The following DENND1B variants were observed in gnomAD, a reference collection of about 807,000 sequenced individuals.
DENND1B encodes the protein DENN domain containing 1B.
A neutral mutation model predicts 90.1 loss-of-function variants in DENND1B; 59 were observed. That is an observed-to-expected ratio of 0.65 (90% CI 0.53 to 0.81). DENND1B has a LOEUF of 0.81. DENND1B is among the 40% of genes least tolerant of loss of function. DENND1B has a pLI of 0.00. For missense variants in DENND1B, 862 were observed against 912.6 expected (o/e 0.94, Z 0.71); for synonymous variants, 337 against 324.6 (o/e 1.04, Z -0.41).
intron 15 of DENND1B, among the ~76,000 whole-genome samples, chr1:197,558,842 A>AT (rs1671925108): frequency 6.6e-6 from 1 of 151,974 alleles, no homozygotes; most frequent in African/African-American, 2.4e-5. Flanking sequence ...TGCTTTAAAT[A>AT]TACTTCAGTA....
chr1:197,617,638 G>A, intron 11 of DENND1B, 21 bp downstream of exon 11: 1 of 1,570,290 alleles, frequency 6.4e-7, no homozygotes, highest in Non-Finnish European at 8.8e-7. Flanking sequence ...ACTTAAAGGA[G>A]TCTGGCAAAA....
At chr1:197,552,777 T>A in intron 16 of DENND1B, 1 of 1,277,362 alleles carries the variant, frequency 7.8e-7, no homozygotes. Flanking sequence ...TTTCCAGCAA[T>A]ATTAAGAGAT....
At chr1:197,562,272 T>A (rs1672235311) in intron 15 of DENND1B, among the ~76,000 whole-genome samples, 1 of 151,918 alleles carries the variant, frequency 6.6e-6, no homozygotes, top group East Asian at 1.9e-4. Flanking sequence ...TACAGGCATA[T>A]CTCATTTAAT....
chr1:197,611,215 C>T (rs1677154973), intron 12 of DENND1B, among the ~76,000 whole-genome samples: 1 of 150,730 alleles, frequency 6.6e-6, no homozygotes, highest in Non-Finnish European at 1.5e-5. Flanking sequence ...ATAATGACAC[C>T]ACTCAATTGA....
At chr1:197,671,933 T>C in intron 5 of DENND1B, 104 bp downstream of exon 5, 4 of 1,185,718 alleles carry the variant, frequency 3.4e-6, no homozygotes, top group Non-Finnish European at 4.5e-6. Context: ...TTTTTCAACT[T>C]GTTTTTAAAG....
chr1:197,714,984 C>T (rs758599684), intron 3 of DENND1B, 47 bp downstream of exon 3: 1 of 1,411,788 alleles, frequency 7.1e-7, no homozygotes, highest in East Asian at 2.3e-5. Context: ...TAGCAACAAT[C>T]ATAATACTTC....
At chr1:197,704,570 A>T (rs1045558492) in intron 3 of DENND1B, among the ~76,000 whole-genome samples, 2 of 152,150 alleles carry the variant, frequency 1.3e-5, no homozygotes, top group Non-Finnish European at 2.9e-5. Flanking sequence ...AAAAGAAAAA[A>T]TATATAATCA....
At chr1:197,722,588 T>C (rs767358155) in intron 2 of DENND1B, among the ~76,000 whole-genome samples, 4 of 152,154 alleles carry the variant, frequency 2.6e-5, no homozygotes, top group Admixed American at 6.5e-5. Context: ...TGAACAATAC[T>C]TGGAAATTTG....
At chr1:197,624,365 A>G (rs1030108992) in intron 10 of DENND1B, among the ~76,000 whole-genome samples, 5 of 151,746 alleles carry the variant, frequency 3.3e-5, no homozygotes, top group African/African-American at 1.2e-4. Flanking sequence ...GTGGACATCC[A>G]CATGCCAAAA....
Position 197,697,773 on chromosome 1 carries a change from T to C in DENND1B, c.126+17258A>G, listed in dbSNP as rs570637207. Among the ~76,000 whole-genome samples, 74 of 152,080 alleles carry C rather than the reference T, an allele frequency of 4.9e-4. 1 individual carries two copies. The highest frequency in any genetic ancestry group is 3.9e-3 in the South Asian group (19 of 4,822). ...AAAAAAGCAGGGATTGTAGTCCTAG[T>C]CTCTGACAAAATAGACTTTAAACCA... On this transcript the variant is annotated intron_variant, in intron 3 of 22. Coordinates refer to ENST00000620048, the MANE Select transcript of DENND1B (RefSeq NM_001195215.2).
intron 15 of DENND1B, among the ~76,000 whole-genome samples, chr1:197,562,314 C>G (rs1672238694): frequency 6.6e-6 from 1 of 151,908 alleles, no homozygotes; most frequent in Non-Finnish European, 1.5e-5. Flanking sequence ...TCAAAGACAG[C>G]TTTTACAAAT....
intron 2 of DENND1B, among the ~76,000 whole-genome samples, chr1:197,742,635 A>G (rs77043517): frequency 0.011 from 1,678 of 152,232 alleles, 33 homozygotes; most frequent in African/African-American, 0.038. Flanking sequence ...GGTCTCTGGG[A>G]AAAAAAGCAC....
At chr1:197,541,310 A>T (rs1670319677) in intron 18 of DENND1B, among the ~76,000 whole-genome samples, 1 of 152,178 alleles carries the variant, frequency 6.6e-6, no homozygotes, top group Non-Finnish European at 1.5e-5. Flanking sequence ...AATAAACCAG[A>T]TTACAATGTT....
chr1:197,584,984 T>C (rs1571972938), intron 14 of DENND1B, among the ~76,000 whole-genome samples: 1 of 152,184 alleles, frequency 6.6e-6, no homozygotes, highest in Non-Finnish European at 1.5e-5. Context: ...TTATTGCCAA[T>C]GGTAAAGAGC....
chr1:197,520,045 C>A (rs1668664421), intron 20 of DENND1B, among the ~76,000 whole-genome samples: 1 of 151,804 alleles, frequency 6.6e-6, no homozygotes, highest in East Asian at 1.9e-4. Flanking sequence ...ATGGGATAGC[C>A]TCTGGACTTA....
chr1:197,548,942 T>G lies in DENND1B; in HGVS notation c.1241-2169A>C, dbSNP rs78235734. ...TTTTAAAAGTTTTAAGGGCTAATTG[T>G]GCCTTTAAATTTTACTGCTTTTATG... On this transcript the variant is annotated intron_variant, in intron 16 of 22. Transcript: ENST00000620048. Among the ~76,000 whole-genome samples the G allele has an allele frequency of 5.9e-3, 896 of 152,292 alleles. 13 individuals are homozygous for G. Among genetic ancestry groups the G allele is most frequent in the African/African-American group, 0.02 (838 of 41,584 alleles).
At chr1:197,780,699 T>TA in the DENND1B span, among the ~76,000 whole-genome samples, 25 of 152,188 alleles carry the variant, frequency 1.6e-4, no homozygotes, top group African/African-American at 5.3e-4. Context: ...TGCAAGCTTT[T>TA]AAAAATACTT....
intron 3 of DENND1B, among the ~76,000 whole-genome samples, chr1:197,678,058 C>T (rs920574740): frequency 6.6e-6 from 1 of 152,154 alleles, no homozygotes; most frequent in Admixed American, 6.5e-5. Context: ...TTTCCCATTA[C>T]ATTTAATTAG....
rs1189887262 is a variant in DENND1B, at chr1:197,770,791, T to C, written c.82+2077A>G. ...ATATATCTATAAATATATAAATATA[T>C]ATCTATAAATATATATATAAATATA... On this transcript the variant is annotated intron_variant, in intron 2 of 22. Transcript: ENST00000620048. 2.1e-5 allele frequency among the ~76,000 whole-genome samples: 3 copies of C among 140,934 alleles called. No individual in the cohort carries two copies. The South Asian group carries it at 6.4e-4, about 30-fold the overall frequency. 92.5% of individuals were successfully genotyped at this position (140,934 alleles called of 152,430 possible). A position where few individuals can be genotyped will look rare whatever the true frequency, so the allele number is the denominator to read the frequency against.
Sources: allele counts gnomAD v4.1 joint callset (sites outside exome capture counted in the v4.1 genomes callset), GRCh38; gene constraint gnomAD v4.1.1; transcripts MANE v1.5; gene names NCBI Gene and HGNC (gene_info 2026-07-23, HGNC 2026-07-21).